The following MICAL3 variants were observed in gnomAD, a reference collection of about 807,000 sequenced individuals.
MICAL3 encodes the protein microtubule associated monooxygenase, calponin and LIM domain containing 3, also known as [F-actin]-monooxygenase MICAL3.
Under a neutral mutation model 207.4 loss-of-function variants are expected in MICAL3, and 62 were observed. The observed-to-expected ratio is 0.30, with a 90% CI of 0.24 to 0.37. The LOEUF is 0.37. Ranked by LOEUF, MICAL3 falls within the 10% of genes least tolerant of loss-of-function variation. The pLI is 1.00. For missense variants in MICAL3, 2,368 were observed against 2,635.6 expected, an observed-to-expected ratio of 0.90 and a Z score of 2.22; for synonymous variants, 1,077 against 1,069.3, an observed-to-expected ratio of 1.01 and a Z score of -0.14.
In MICAL3 at chr22:17,866,767, C is replaced by T. The variant is rs549486184; in HGVS notation, c.2429-755G>A. On this transcript the variant is annotated intron_variant, in intron 17 of 31. Coordinates refer to ENST00000441493, the MANE Select transcript of MICAL3 (RefSeq NM_015241.3). ...CAGCTGTGTCTGGGTCTCAATGTAA[C>T]GTGCATCCCCGTGGGGGGTGTCGTC... Among the ~76,000 whole-genome samples, 4 of 152,308 alleles carry T rather than the reference C, an allele frequency of 2.6e-5. No homozygotes were observed. The South Asian group carries it at 8.3e-4, about 32-fold the overall frequency.
intron 19 of MICAL3, chr22:17,863,405 G>A: frequency 1.0e-6 from 1 of 985,394 alleles, no homozygotes. Context: ...TAAAGCCAAA[G>A]TCTCTGTCTA....
At chr22:17,932,127 A>C (rs1178494810) in intron 1 of MICAL3, among the ~76,000 whole-genome samples, 1 of 152,310 alleles carries the variant, frequency 6.6e-6, no homozygotes, top group African/African-American at 2.4e-5. Flanking sequence ...AATACAGAGA[A>C]CACCACAAAG....
At chr22:17,988,451 G>GT (rs998126941) in intron 1 of MICAL3, among the ~76,000 whole-genome samples, 7 of 151,946 alleles carry the variant, frequency 4.6e-5, no homozygotes, top group East Asian at 3.9e-4. Flanking sequence ...ACATTTCTGG[G>GT]TTTTTTTTGG....
At position 17,904,625 on chromosome 22, in the gene MICAL3, T is replaced by A; in HGVS notation, c.472+7A>T. The A allele has an allele frequency of 6.2e-7, 1 of 1,609,272 alleles. No homozygotes were observed. Among genetic ancestry groups the A allele is most frequent in the South Asian group, 1.1e-5 (1 of 90,976 alleles). Reference sequence around the variant, plus strand: ...TGGAATCTTACAGGAAAGCTAGTTTTACTTACTGATATGGTCGATGGCTCC... The same window carrying A: ...TGGAATCTTACAGGAAAGCTAGTTTAACTTACTGATATGGTCGATGGCTCC... On this transcript the variant is annotated splice_region_variant and intron_variant, in intron 3 of 31. Coordinates refer to ENST00000441493, the MANE Select transcript of MICAL3 (RefSeq NM_015241.3).
At chr22:18,012,028 A>G (rs1396542944) in intron 1 of MICAL3, among the ~76,000 whole-genome samples, 1 of 152,044 alleles carries the variant, frequency 6.6e-6, no homozygotes, top group Non-Finnish European at 1.5e-5. Flanking sequence ...TGAGGTCAGG[A>G]GTTCAAGACC....
intron 1 of MICAL3, among the ~76,000 whole-genome samples, chr22:17,980,151 G>A (rs1935843677): frequency 6.6e-6 from 1 of 152,182 alleles, no homozygotes; most frequent in Non-Finnish European, 1.5e-5. Flanking sequence ...TTCTGAAAGT[G>A]GGTAATATGA....
chr22:17,809,667 A>G (rs1025559152), intron 28 of MICAL3, among the ~76,000 whole-genome samples: 11 of 152,118 alleles, frequency 7.2e-5, no homozygotes, highest in African/African-American at 2.7e-4. Flanking sequence ...AGAAATCTAC[A>G]GTGGTCTAGA....
At chr22:17,957,637 G>T (rs560038917) in intron 1 of MICAL3, among the ~76,000 whole-genome samples, 5 of 149,046 alleles carry the variant, frequency 3.4e-5, no homozygotes, top group Non-Finnish European at 5.9e-5. Flanking sequence ...CTTGAACCAG[G>T]AAGCAGAGGT....
At chr22:17,967,412 T>G (rs947124209) in intron 1 of MICAL3, among the ~76,000 whole-genome samples, 2 of 149,128 alleles carry the variant, frequency 1.3e-5, no homozygotes, top group South Asian at 4.2e-4. Context: ...CAATATTTGA[T>G]GAATCTGCCC....
At chr22:17,865,819 G>A in intron 18 of MICAL3, 105 bp downstream of exon 18, 1 of 873,096 alleles carries the variant, frequency 1.1e-6, no homozygotes, top group African/African-American at 1.6e-5. Flanking sequence ...GTTCCCAGGA[G>A]AGGCAAGGAC....
intron 16 of MICAL3, among the ~76,000 whole-genome samples, chr22:17,877,315 G>T (rs377275566): frequency 4.6e-3 from 228 of 49,648 alleles, no homozygotes; most frequent in Non-Finnish European, 5.4e-3. Context: ...ATGGAGGTTA[G>T]GGAGGTTAGG....
Position 17,827,928 on chromosome 22 carries a change from CAT to C in MICAL3, c.3056-149_3056-148del, listed in dbSNP as rs1264649839. On this transcript the variant is annotated intron_variant, in intron 21 of 31. Transcript: ENST00000441493. ...AGTAAAAATTAAGAACATGTATGCA[CAT>C]GTATACACACACACACACACACAGA... 5.9e-6 allele frequency: 4 copies of C among 675,602 alleles called. No individual in the cohort carries two copies. In the African/African-American group the frequency reaches 6.1e-5, roughly 10 times the overall value. The allele number at this position is 675,602 out of a possible 1,614,324, so 41.9% of individuals were successfully genotyped here. A position where few individuals can be genotyped will look rare whatever the true frequency, so the allele number is the denominator to read the frequency against.
chr22:17,798,598 T>C (rs889995328), intron 29 of MICAL3, among the ~76,000 whole-genome samples: 11 of 152,174 alleles, frequency 7.2e-5, no homozygotes, highest in Admixed American at 2.6e-4. Flanking sequence ...GATGCCACTA[T>C]ATTTACTGCT....
chr22:18,007,586 A>G (rs545069270), intron 1 of MICAL3, among the ~76,000 whole-genome samples: 7 of 152,156 alleles, frequency 4.6e-5, no homozygotes, highest in African/African-American at 4.8e-5. Flanking sequence ...CTGAGCCACT[A>G]TGCTCAGTTT....
intron 13 of MICAL3, among the ~76,000 whole-genome samples, chr22:17,888,712 A>C (rs1246557836): frequency 6.6e-6 from 1 of 152,214 alleles, no homozygotes; most frequent in Non-Finnish European, 1.5e-5. Flanking sequence ...CAGAGGCCAC[A>C]AGCACAAGCC....
intron 1 of MICAL3, among the ~76,000 whole-genome samples, chr22:17,915,736 C>A (rs564560613): frequency 2.6e-5 from 4 of 152,178 alleles, no homozygotes; most frequent in African/African-American, 9.6e-5. Context: ...GACATGTCAA[C>A]GGCACCAAGC....
At chr22:17,852,561 C>T (rs1274156154) in intron 19 of MICAL3, among the ~76,000 whole-genome samples, 7 of 152,228 alleles carry the variant, frequency 4.6e-5, no homozygotes, top group Non-Finnish European at 1.0e-4. Context: ...AGCTGAGCAG[C>T]TGCGGGTCTA....
intron 1 of MICAL3, among the ~76,000 whole-genome samples, chr22:17,929,366 G>C (rs1225893291): frequency 6.7e-6 from 1 of 150,244 alleles, no homozygotes; most frequent in Admixed American, 6.6e-5. Context: ...GTCTCTCCAA[G>C]TGCTAGGATT....
intron 17 of MICAL3, among the ~76,000 whole-genome samples, chr22:17,867,143 T>A (rs1927240097): frequency 6.6e-6 from 1 of 152,266 alleles, no homozygotes; most frequent in Non-Finnish European, 1.5e-5. Context: ...AGAAACTGAC[T>A]TGTTTTACCT....
Sources: allele counts gnomAD v4.1 joint callset (sites outside exome capture counted in the v4.1 genomes callset), GRCh38; gene constraint gnomAD v4.1.1; transcripts MANE v1.5; gene names NCBI Gene and HGNC (gene_info 2026-07-23, HGNC 2026-07-21).